The following SLC24A2 variants were observed in gnomAD, a reference collection of about 807,000 sequenced individuals.
SLC24A2 encodes the protein solute carrier family 24 member 2.
A neutral mutation model predicts 62.0 loss-of-function variants in SLC24A2; 36 were observed. The ratio of observed to expected loss-of-function variants is 0.58; its 90% CI spans 0.44 to 0.77. SLC24A2 has a LOEUF of 0.77. Among genes scored for constraint, SLC24A2 ranks in the 30% least tolerant of loss-of-function variants. The pLI is 0.00. For synonymous variants in SLC24A2, 358 were observed against 294.0 expected, an observed-to-expected ratio of 1.22 and a Z score of -2.23; for missense variants, 846 against 817.9, an observed-to-expected ratio of 1.03 and a Z score of -0.42.
At chr9:19,746,487 A>G (rs1821836206) in intron 2 of SLC24A2, among the ~76,000 whole-genome samples, 1 of 152,170 alleles carries the variant, frequency 6.6e-6, no homozygotes, top group Non-Finnish European at 1.5e-5. Flanking sequence ...CTGTAATTGA[A>G]TTCAATAAAA....
At chr9:20,057,639 T>G in the SLC24A2 span, among the ~76,000 whole-genome samples, 1 of 152,254 alleles carries the variant, frequency 6.6e-6, no homozygotes. Context: ...ACCAAATACA[T>G]TCATTCTTAA....
intron 2 of SLC24A2, among the ~76,000 whole-genome samples, chr9:19,625,102 T>C (rs1818000728): frequency 6.6e-6 from 1 of 152,172 alleles, no homozygotes; most frequent in Non-Finnish European, 1.5e-5. Flanking sequence ...ACCCATGGGA[T>C]ATTACAGAAG....
chr9:19,730,622 T>G (rs1821307626), intron 2 of SLC24A2, among the ~76,000 whole-genome samples: 1 of 152,126 alleles, frequency 6.6e-6, no homozygotes, highest in Non-Finnish European at 1.5e-5. Flanking sequence ...GTTGTAGAAT[T>G]TTATATCTAG....
chr9:20,174,501 T>C, the SLC24A2 span, among the ~76,000 whole-genome samples: 1 of 140,942 alleles, frequency 7.1e-6, no homozygotes, highest in Admixed American at 6.8e-5. Context: ...CTGGAACAAA[T>C]TAGCAAGAAA....
At chr9:19,949,287 C>A in the SLC24A2 span, among the ~76,000 whole-genome samples, 1 of 151,908 alleles carries the variant, frequency 6.6e-6, no homozygotes, top group Admixed American at 6.6e-5. Flanking sequence ...AGCCACTGCG[C>A]CTGGCCCCCA....
intron 2 of SLC24A2, among the ~76,000 whole-genome samples, chr9:19,648,946 A>G (rs1325776246): frequency 6.8e-6 from 1 of 147,428 alleles, no homozygotes; most frequent in Admixed American, 7.0e-5. Context: ...TGGCCTAAAG[A>G]TATTTATTCC....
chr9:20,242,169 T>C, the SLC24A2 span, among the ~76,000 whole-genome samples: 6 of 152,032 alleles, frequency 3.9e-5, no homozygotes, highest in African/African-American at 1.5e-4. Context: ...TCCCCAACAT[T>C]AACTTGACTA....
At chr9:19,663,540 G>T (rs188266992) in intron 2 of SLC24A2, among the ~76,000 whole-genome samples, 195 of 152,228 alleles carry the variant, frequency 1.3e-3, no homozygotes, top group Non-Finnish European at 2.1e-3. Context: ...GGCTCCTGGG[G>T]ACCTGGGAAT....
At chr9:19,949,593 G>C in the SLC24A2 span, among the ~76,000 whole-genome samples, 1 of 152,180 alleles carries the variant, frequency 6.6e-6, no homozygotes, top group Non-Finnish European at 1.5e-5. Flanking sequence ...GTCCAGTGGA[G>C]ACTGCATTTC....
the SLC24A2 span, among the ~76,000 whole-genome samples, chr9:20,023,561 C>G: frequency 7.9e-5 from 12 of 152,058 alleles, no homozygotes; most frequent in East Asian, 1.9e-4. Flanking sequence ...TTCAGAAAGC[C>G]CCCCCACCTA....
At chr9:19,959,238 T>G in the SLC24A2 span, among the ~76,000 whole-genome samples, 1 of 151,960 alleles carries the variant, frequency 6.6e-6, no homozygotes, top group African/African-American at 2.4e-5. Flanking sequence ...GAAAAGACAA[T>G]GTACAAATAA....
the SLC24A2 span, chr9:19,928,772 A>G: frequency 6.6e-6 from 1 of 152,176 alleles, no homozygotes; most frequent in Non-Finnish European, 1.5e-5. Context: ...ACTTAGAATG[A>G]CCTTTCTAAA....
the SLC24A2 span, among the ~76,000 whole-genome samples, chr9:20,277,859 G>A: frequency 5.9e-5 from 9 of 152,256 alleles, no homozygotes; most frequent in East Asian, 1.9e-4. Context: ...ATGATAGACT[G>A]GATTAAGAAA....
rs566189537 is a variant in SLC24A2, at chr9:19,578,937, G to C, written c.1130-1915C>G. On this transcript the variant is annotated intron_variant, in intron 5 of 10. Coordinates refer to ENST00000341998, the MANE Select transcript of SLC24A2 (RefSeq NM_020344.4). Reference sequence around the variant, plus strand: ...GTACCTTAGTCTAGGCAATGAATGTGCACCACTGAGTACACTCTCAAAAGA... The same window carrying C: ...GTACCTTAGTCTAGGCAATGAATGTCCACCACTGAGTACACTCTCAAAAGA... Among the ~76,000 whole-genome samples the C allele has an allele frequency of 1.2e-4, 18 of 152,300 alleles. No individual in the cohort carries two copies. The South Asian group carries it at 3.7e-3, about 32-fold the overall frequency.
chr9:19,883,596 T>G, the SLC24A2 span, among the ~76,000 whole-genome samples: 1 of 151,636 alleles, frequency 6.6e-6, no homozygotes, highest in African/African-American at 2.4e-5. Flanking sequence ...GATGGAGTCT[T>G]GCTCTGTCGC....
the SLC24A2 span, among the ~76,000 whole-genome samples, chr9:19,859,717 T>C: frequency 6.6e-6 from 1 of 152,188 alleles, no homozygotes; most frequent in Non-Finnish European, 1.5e-5. Context: ...CAGTCTGAAA[T>C]CAAGGACATC....
Position 19,622,148 on chromosome 9 carries a change from T to A in SLC24A2, c.969+113A>T, listed in dbSNP as rs148072772. Reference sequence around the variant, plus strand: ...CACATCAGGGGTTAGATTATTTAAGTATTCCAAGGGAGAGAGTAATGTGTT... The same window carrying A: ...CACATCAGGGGTTAGATTATTTAAGAATTCCAAGGGAGAGAGTAATGTGTT... On this transcript the variant is annotated intron_variant, in intron 3 of 10. Coordinates refer to ENST00000341998, the MANE Select transcript of SLC24A2 (RefSeq NM_020344.4). The A allele has an allele frequency of 8.4e-6, 7 of 831,506 alleles. No homozygotes were observed. The East Asian group carries it at 1.8e-4, about 21-fold the overall frequency. 51.5% of individuals were successfully genotyped at this position (831,506 alleles called of 1,614,324 possible).
intron 2 of SLC24A2, among the ~76,000 whole-genome samples, chr9:19,738,992 C>G (rs945964044): frequency 6.6e-6 from 1 of 151,918 alleles, no homozygotes; most frequent in Non-Finnish European, 1.5e-5. Flanking sequence ...TGGTGCGCAC[C>G]GGTAGTCCCA....
At chr9:19,914,717 C>G in the SLC24A2 span, among the ~76,000 whole-genome samples, 2 of 151,994 alleles carry the variant, frequency 1.3e-5, no homozygotes, top group Non-Finnish European at 2.9e-5. Context: ...ACAAAGTTAT[C>G]TCGTTTGAAC....
Sources: allele counts gnomAD v4.1 joint callset (sites outside exome capture counted in the v4.1 genomes callset), GRCh38; gene constraint gnomAD v4.1.1; transcripts MANE v1.5; gene names NCBI Gene and HGNC (gene_info 2026-07-23, HGNC 2026-07-21).